The following RANBP17 variants were observed in gnomAD, a reference collection of about 807,000 sequenced individuals.
RANBP17 encodes ran-binding protein 17.
Under a neutral mutation model 141.2 loss-of-function variants are expected in RANBP17, and 158 were observed. The observed-to-expected ratio is 1.12, with a 90% confidence interval of 0.98 to 1.28. The LOEUF (loss-of-function observed/expected upper bound fraction) is 1.28, where lower values mean the gene tolerates loss of function less well. RANBP17 is among the 50% of genes most tolerant of loss of function. RANBP17 has a pLI of 0.00. For synonymous variants in RANBP17, 430 were observed against 450.0 expected, an observed-to-expected ratio of 0.96 and a Z score of 0.56; for missense variants, 1,438 against 1,290.7, an observed-to-expected ratio of 1.11 and a Z score of -1.75.
intron 14 of RANBP17, among the ~76,000 whole-genome samples, chr5:171,141,962 T>A (rs941188235): frequency 3.9e-5 from 6 of 152,220 alleles, no homozygotes; most frequent in African/African-American, 1.4e-4. Flanking sequence ...GTATGTCATA[T>A]AAAATGCGTA....
At chr5:170,949,697 G>A (rs1219642064) in intron 12 of RANBP17, among the ~76,000 whole-genome samples, 1 of 152,168 alleles carries the variant, frequency 6.6e-6, no homozygotes, top group Non-Finnish European at 1.5e-5. Flanking sequence ...GAGGTGCCAT[G>A]TAACTCAGCA....
chr5:171,165,228 C>T (rs1759608193), intron 14 of RANBP17, among the ~76,000 whole-genome samples: 1 of 152,124 alleles, frequency 6.6e-6, no homozygotes. Flanking sequence ...GTCACCCAGG[C>T]TGGAGTGCAA....
rs141655264 is a variant in RANBP17 at position 171,046,109 on chromosome 5, A to T, written c.1710+77732A>T. Among the ~76,000 whole-genome samples the T allele has an allele frequency of 2.7e-3, 406 of 152,142 alleles. 2 individuals carry two copies. Among genetic ancestry groups the T allele is most frequent in the African/African-American group, 9.4e-3 (390 of 41,484 alleles). On this transcript the variant is annotated intron_variant, in intron 14 of 27. Coordinates refer to ENST00000523189, the MANE Select transcript of RANBP17 (RefSeq NM_022897.5). The stretch of plus-strand genomic sequence containing the variant: ...ATATCAGTTTTTGAAGTAAATATAA[A>T]TTATCTGCCCCATATGGAAACTTAT...
chr5:171,089,953 C>G (rs1211915056), intron 14 of RANBP17, among the ~76,000 whole-genome samples: 1 of 152,200 alleles, frequency 6.6e-6, no homozygotes, highest in Non-Finnish European at 1.5e-5. Context: ...TAGACCGGAG[C>G]TGTTCCTGTT....
chr5:171,259,938 G>A (rs867430824), intron 24 of RANBP17, among the ~76,000 whole-genome samples: 57 of 151,966 alleles, frequency 3.8e-4, no homozygotes, highest in African/African-American at 1.2e-3. Context: ...CCGAGATTGC[G>A]CCACTGCACT....
Position 171,252,138 on chromosome 5 carries a change from T to A in RANBP17, c.2776+9318T>A, listed in dbSNP as rs529458365. Reference sequence around the variant, plus strand: ...ACCTCCCAAGAAGTTCATCACAAGATTACAGAAAGAAGATGAGCTTTTTGA... The same window carrying A: ...ACCTCCCAAGAAGTTCATCACAAGAATACAGAAAGAAGATGAGCTTTTTGA... On this transcript the variant is annotated intron_variant, in intron 24 of 27. Transcript: ENST00000523189. The A allele has an allele frequency of 1.1e-5, 17 of 1,592,788 alleles. No homozygotes were observed. The East Asian group carries it at 2.2e-4, about 21-fold the overall frequency.
At chr5:171,083,409 G>A (rs1273045350) in intron 14 of RANBP17, among the ~76,000 whole-genome samples, 1 of 152,056 alleles carries the variant, frequency 6.6e-6, no homozygotes. Context: ...GACTATGCTG[G>A]CATCCTTATA....
chr5:170,865,624 A>G (rs182096607), intron 1 of RANBP17, among the ~76,000 whole-genome samples: 39 of 152,252 alleles, frequency 2.6e-4, no homozygotes, highest in Admixed American at 5.2e-4. Flanking sequence ...TGTTGAGTTG[A>G]GTCTTTATAG....
At chr5:170,893,038 C>T (rs1259803620) in intron 4 of RANBP17, among the ~76,000 whole-genome samples, 1 of 152,070 alleles carries the variant, frequency 6.6e-6, no homozygotes, top group Non-Finnish European at 1.5e-5. Flanking sequence ...AATTTTTACA[C>T]TATACCACAT....
At chr5:171,028,920 G>C in intron 14 of RANBP17, 1 of 1,288,470 alleles carries the variant, frequency 7.8e-7, no homozygotes, top group Non-Finnish European at 1.0e-6. Context: ...TATCCAACTC[G>C]GGTTTCTTCT....
At chr5:170,972,859 G>A (rs1319193493) in intron 14 of RANBP17, among the ~76,000 whole-genome samples, 1 of 152,058 alleles carries the variant, frequency 6.6e-6, no homozygotes, top group Non-Finnish European at 1.5e-5. Context: ...ATGTGCTTTT[G>A]TCAGACTTTA....
chr5:171,199,441 A>G (rs1762170030), intron 18 of RANBP17, among the ~76,000 whole-genome samples: 1 of 152,172 alleles, frequency 6.6e-6, no homozygotes, highest in Admixed American at 6.5e-5. Context: ...CTAAAGAACC[A>G]GGAAAAAAAA....
At chr5:170,961,833 C>T (rs1776167705) in intron 13 of RANBP17, among the ~76,000 whole-genome samples, 1 of 152,188 alleles carries the variant, frequency 6.6e-6, no homozygotes, top group Non-Finnish European at 1.5e-5. Context: ...GTGGTAGAGA[C>T]TGTCAATTGT....
chr5:171,088,789 C>T (rs190494644), intron 14 of RANBP17, among the ~76,000 whole-genome samples: 8 of 152,210 alleles, frequency 5.3e-5, no homozygotes, highest in Admixed American at 4.6e-4. Flanking sequence ...TCACGTAGTT[C>T]TCGAGCCTTG....
intron 14 of RANBP17, among the ~76,000 whole-genome samples, chr5:171,122,104 T>G (rs1467030380): frequency 6.6e-6 from 1 of 152,150 alleles, no homozygotes; most frequent in Admixed American, 6.5e-5. Context: ...ACCTCCCTCA[T>G]GGCTCTACGC....
At chr5:171,297,220 A>G (rs1402003199) in intron 27 of RANBP17, among the ~76,000 whole-genome samples, 2 of 152,234 alleles carry the variant, frequency 1.3e-5, no homozygotes, top group Non-Finnish European at 2.9e-5. Flanking sequence ...GTCTGACTTC[A>G]TTCATTCATT....
At chr5:171,020,466 T>C (rs1780769080) in intron 14 of RANBP17, among the ~76,000 whole-genome samples, 1 of 152,214 alleles carries the variant, frequency 6.6e-6, no homozygotes, top group African/African-American at 2.4e-5. Flanking sequence ...TGGATGCATA[T>C]ATGTTTAGAA....
chr5:171,195,634 A>G (rs1281738151), intron 18 of RANBP17, among the ~76,000 whole-genome samples: 1 of 152,190 alleles, frequency 6.6e-6, no homozygotes, highest in African/African-American at 2.4e-5. Flanking sequence ...CTCCAAATTT[A>G]GGATTCTGTG....
In RANBP17 at chr5:171,242,698, G is replaced by A. The variant is rs781310505; in HGVS notation, c.2654G>A (p.Ser885Asn). The A allele has an allele frequency of 1.3e-5, 21 of 1,613,418 alleles. 1 individual carries two copies. The South Asian group carries it at 2.3e-4, about 18-fold the overall frequency. Residue 885 changes from serine (S) to asparagine (N), a missense_variant, in exon 24 of 28, where the codon AGC becomes AAC. By Grantham distance (46) the Ser-to-Asn change is conservative. Transcript: ENST00000523189. Reference protein sequence around the residue: ...HSDLLQYRKLSQSYYPLLECL... With the variant: ...HSDLLQYRKLNQSYYPLLECL... Reference sequence around the variant, plus strand: ...GTGTTGTAGCAATACCGGAAACTGAGCCAGTCTTATTATCCACTCCTGGAA... The same window carrying A: ...GTGTTGTAGCAATACCGGAAACTGAACCAGTCTTATTATCCACTCCTGGAA...
Sources: gnomAD v4.1 joint callset for allele counts (sites outside exome capture counted in the v4.1 genomes callset) on GRCh38, gnomAD v4.1.1 for gene constraint, MANE v1.5 for transcripts, NCBI Gene and HGNC (gene_info 2026-07-23, HGNC 2026-07-21) for gene names.